The following ANO1 variants were observed in gnomAD, a reference collection of about 807,000 sequenced individuals.
ANO1 encodes anoctamin 1.
Under a neutral mutation model 124.0 loss-of-function variants are expected in ANO1, and 59 were observed. The ratio of observed to expected loss-of-function variants is 0.48; its 90% CI spans 0.39 to 0.59. ANO1 has a LOEUF of 0.59. ANO1 is among the 20% of genes least tolerant of loss of function. ANO1 has a pLI of 0.00. For synonymous variants in ANO1, 529 were observed against 532.0 expected (o/e 0.99, Z 0.08); for missense variants, 1,059 against 1,328.0 (o/e 0.80, Z 3.15).
At chr11:70,122,480 G>A (rs1378108428) in intron 8 of ANO1, among the ~76,000 whole-genome samples, 1 of 118,898 alleles carries the variant, frequency 8.4e-6, no homozygotes. Flanking sequence ...CTCTCCATCT[G>A]CCTCTGTCTC....
Position 70,131,855 on chromosome 11 carries a change from G to C in ANO1, c.1098-64G>C. ...CAGCGCTTTCTCCCAGGCCAGCTCG[G>C]CACCCAGGAGGTGCTCCATCATGGC... On this transcript the variant is annotated intron_variant, in intron 10 of 25. Transcript: ENST00000355303. 4 of 1,538,750 alleles carry C rather than the reference G, an allele frequency of 2.6e-6. No homozygotes were observed. The South Asian group carries it at 4.9e-5, about 19-fold the overall frequency.
chr11:69,967,721 AG>A, the ANO1 span, among the ~76,000 whole-genome samples: 3 of 152,210 alleles, frequency 2.0e-5, no homozygotes, highest in African/African-American at 7.2e-5. Flanking sequence ...CACCTGCCCG[AG>A]GGCCACACAA....
intron 1 of ANO1, among the ~76,000 whole-genome samples, chr11:70,058,428 A>G (rs1166130916): frequency 6.6e-6 from 1 of 152,240 alleles, no homozygotes; most frequent in Non-Finnish European, 1.5e-5. Context: ...TTTGGAGGAC[A>G]ACCGCAGCTA....
At chr11:70,104,833 G>A (rs2045435501) in intron 4 of ANO1, among the ~76,000 whole-genome samples, 1 of 152,142 alleles carries the variant, frequency 6.6e-6, no homozygotes, top group Non-Finnish European at 1.5e-5. Flanking sequence ...GCCTCACAGG[G>A]TCGGGGGCAT....
chr11:70,167,514 C>G, intron 21 of ANO1, 127 bp downstream of exon 21: 1 of 1,325,206 alleles, frequency 7.5e-7, no homozygotes, highest in Non-Finnish European at 1.0e-6. Context: ...CCTCCATAAG[C>G]ATCAGGCAGG....
At chr11:70,029,337 A>C (rs1555003553) in intron 1 of ANO1, among the ~76,000 whole-genome samples, 1 of 148,712 alleles carries the variant, frequency 6.7e-6, no homozygotes, top group Non-Finnish European at 1.5e-5. Flanking sequence ...GGGCCTGTGC[A>C]GTTGCCCTGC....
At position 70,151,521 on chromosome 11, in the gene ANO1, T is replaced by A. The variant is rs530430539; in HGVS notation, c.1342-929T>A. On this transcript the variant is annotated intron_variant, in intron 12 of 25. Transcript: ENST00000355303. ...AATTTCAAATGTCCCTTCTGTGATG[T>A]CCCTGTGGCTGGGGAAAGTTGGCGG... Among the ~76,000 whole-genome samples the A allele has an allele frequency of 4.1e-4, 63 of 152,324 alleles. 1 individual carries two copies. The highest frequency in any genetic ancestry group is 1.4e-3 in the African/African-American group (58 of 41,566).
intron 14 of ANO1, among the ~76,000 whole-genome samples, chr11:70,154,858 G>C (rs570314167): frequency 3.2e-4 from 49 of 152,366 alleles, no homozygotes; most frequent in African/African-American, 1.1e-3. Context: ...CTAAAATAAA[G>C]AGACTGTCTG....
intron 11 of ANO1, among the ~76,000 whole-genome samples, chr11:70,135,778 G>A (rs1445278200): frequency 3.3e-5 from 5 of 152,366 alleles, no homozygotes; most frequent in South Asian, 2.1e-4. Context: ...GAAAGAAGCC[G>A]TCTTGGGCTG....
chr11:70,157,051 A>T (rs368407293), intron 16 of ANO1, 30 bp downstream of exon 16: 3 of 1,595,694 alleles, frequency 1.9e-6, no homozygotes, highest in Non-Finnish European at 2.6e-6. Context: ...GGCCAGACGA[A>T]GTCAGGGGAA....
At chr11:70,041,568 G>T (rs1555005057) in intron 1 of ANO1, among the ~76,000 whole-genome samples, 1 of 152,220 alleles carries the variant, frequency 6.6e-6, no homozygotes, top group African/African-American at 2.4e-5. Flanking sequence ...TTCATGAAAA[G>T]ATGTGAGCTC....
chr11:70,066,695 G>T (rs1054470811), intron 1 of ANO1, among the ~76,000 whole-genome samples: 2 of 152,184 alleles, frequency 1.3e-5, no homozygotes, highest in Non-Finnish European at 2.9e-5. Context: ...GAGACGTCTG[G>T]TCTCCCGTGG....
At chr11:70,067,473 G>A (rs900642094) in intron 1 of ANO1, among the ~76,000 whole-genome samples, 34 of 151,986 alleles carry the variant, frequency 2.2e-4, no homozygotes, top group African/African-American at 6.0e-4. Context: ...GATTACAGGC[G>A]CCTGCCATCA....
chr11:70,026,974 T>A (rs908822579), intron 1 of ANO1, among the ~76,000 whole-genome samples: 5 of 152,278 alleles, frequency 3.3e-5, no homozygotes, highest in Admixed American at 3.3e-4. Context: ...TTCCCCTGTA[T>A]CCATGAAACT....
At chr11:70,040,978 G>A (rs1198669717) in intron 1 of ANO1, among the ~76,000 whole-genome samples, 1 of 152,180 alleles carries the variant, frequency 6.6e-6, no homozygotes, top group African/African-American at 2.4e-5. Context: ...TCAGTGGAGA[G>A]GTTCTGGGAG....
At position 70,010,175 on chromosome 11, in the gene ANO1, G is replaced by GTATATATATA. The variant is rs1565159727; in HGVS notation, c.58+24010_58+24011insATATATATAT. Among the ~76,000 whole-genome samples, 215 of 49,398 alleles carry GTATATATATA rather than the reference G, an allele frequency of 4.4e-3. 18 individuals carry two copies. Among genetic ancestry groups the GTATATATATA allele is most frequent in the Middle Eastern group, 0.018 (2 of 114 alleles). 32.4% of individuals were successfully genotyped at this position (49,398 alleles called of 152,430 possible). On this transcript the variant is annotated intron_variant, in intron 1 of 27. Coordinates refer to the ANO1 transcript ENST00000531349. ...TGTGTGTGTGTGTGTGCGCGTGTGT[G>GTATATATATA]TGTGTATATATATATATATATATCA...
At chr11:70,178,433 G>A (rs573522798) in intron 22 of ANO1, among the ~76,000 whole-genome samples, 3 of 152,328 alleles carry the variant, frequency 2.0e-5, no homozygotes, top group East Asian at 1.9e-4. Context: ...AAGATCAAAC[G>A]GAGCTACAAT....
the ANO1 span, among the ~76,000 whole-genome samples, chr11:69,969,645 G>A: frequency 6.6e-6 from 1 of 152,138 alleles, no homozygotes. Flanking sequence ...GGCAGTCTGG[G>A]AGCCTCAAGA....
intron 1 of ANO1, among the ~76,000 whole-genome samples, chr11:69,995,916 C>T (rs923787272): frequency 6.6e-6 from 1 of 152,124 alleles, no homozygotes; most frequent in Non-Finnish European, 1.5e-5. Context: ...AGTTTGAGAC[C>T]AGCTGGCTAA....
Sources: allele counts gnomAD v4.1 joint callset (sites outside exome capture counted in the v4.1 genomes callset), GRCh38; gene constraint gnomAD v4.1.1; transcripts MANE v1.5; gene names NCBI Gene and HGNC (gene_info 2026-07-23, HGNC 2026-07-21).